The following CAMTA1 variants were observed in gnomAD, a reference collection of about 807,000 sequenced individuals.
CAMTA1 encodes the protein calmodulin-binding transcription activator 1.
Under a neutral mutation model 170.9 loss-of-function variants are expected in CAMTA1, and 27 were observed. The observed-to-expected ratio is 0.16, with a 90% CI of 0.12 to 0.22. The LOEUF is 0.22. Among genes scored for constraint, CAMTA1 ranks in the 10% least tolerant of loss-of-function variants. CAMTA1 has a pLI of 1.00. For missense variants in CAMTA1, 1,619 were observed against 2,217.2 expected, an observed-to-expected ratio of 0.73 and a Z score of 5.42; for synonymous variants, 833 against 891.5, an observed-to-expected ratio of 0.93 and a Z score of 1.17.
intron 3 of CAMTA1, among the ~76,000 whole-genome samples, chr1:7,085,619 G>T (rs1640632831): frequency 6.6e-6 from 1 of 152,260 alleles, no homozygotes; most frequent in African/African-American, 2.4e-5. Context: ...GGGAGGGGCT[G>T]GGCGATGAAC....
intron 5 of CAMTA1, among the ~76,000 whole-genome samples, chr1:7,431,915 G>C (rs557222178): frequency 2.6e-4 from 40 of 152,276 alleles, no homozygotes; most frequent in Admixed American, 2.1e-3. Flanking sequence ...TGCACATGCA[G>C]CATGGGAGCC....
chr1:7,384,389 G>C (rs1005606784), intron 5 of CAMTA1, among the ~76,000 whole-genome samples: 1 of 152,220 alleles, frequency 6.6e-6, no homozygotes, highest in Admixed American at 6.5e-5. Flanking sequence ...TCACCTGGAT[G>C]CTAATCCTGA....
At chr1:7,391,331 G>GTGTA (rs1199333351) in intron 5 of CAMTA1, among the ~76,000 whole-genome samples, 2 of 150,532 alleles carry the variant, frequency 1.3e-5, no homozygotes, top group Non-Finnish European at 3.0e-5. Context: ...TTTACACAGT[G>GTGTA]TGTGTGTGTG....
At chr1:7,710,900 C>T (rs2096565739) in intron 11 of CAMTA1, among the ~76,000 whole-genome samples, 1 of 152,126 alleles carries the variant, frequency 6.6e-6, no homozygotes, top group Non-Finnish European at 1.5e-5. Flanking sequence ...CTCTTATTGG[C>T]CCATCTTGAG....
intron 5 of CAMTA1, among the ~76,000 whole-genome samples, chr1:7,343,769 G>C (rs1574818552): frequency 6.6e-6 from 1 of 152,214 alleles, no homozygotes; most frequent in Admixed American, 6.5e-5. Context: ...GCCTGTTTTT[G>C]AACTGTATAA....
intron 6 of CAMTA1, among the ~76,000 whole-genome samples, chr1:7,556,746 C>T (rs1025259178): frequency 6.6e-6 from 1 of 152,136 alleles, no homozygotes; most frequent in Non-Finnish European, 1.5e-5. Flanking sequence ...CCCTGTGACC[C>T]CTGCCTAAGG....
At chr1:7,143,944 A>G (rs1646032594) in intron 4 of CAMTA1, among the ~76,000 whole-genome samples, 1 of 152,204 alleles carries the variant, frequency 6.6e-6, no homozygotes, top group Non-Finnish European at 1.5e-5. Context: ...GTTGTCATCC[A>G]CAAAGCCACT....
intron 6 of CAMTA1, among the ~76,000 whole-genome samples, chr1:7,469,630 T>A (rs2093290610): frequency 6.6e-6 from 1 of 152,234 alleles, no homozygotes; most frequent in South Asian, 2.1e-4. Flanking sequence ...GAAGCTGGCA[T>A]CCTGCCAGCA....
chr1:7,060,724 G>A (rs1708078875), intron 3 of CAMTA1, among the ~76,000 whole-genome samples: 1 of 152,180 alleles, frequency 6.6e-6, no homozygotes, highest in Non-Finnish European at 1.5e-5. Context: ...ACCTGGAGCA[G>A]CAGACATTCT....
rs1558086620 is a variant in CAMTA1, at chr1:7,664,984, C to A, written c.2437C>A (p.Pro813Thr). Reference sequence around the variant, plus strand: ...ACAGTCAGAGGACGGGGCGCGGGCCCCCTTCACCCAGGCAGAGATGTGCCT... The same window carrying A: ...ACAGTCAGAGGACGGGGCGCGGGCCACCTTCACCCAGGCAGAGATGTGCCT... ...LSQSEDGARA[P>T]FTQAEMCLPC... The change falls in exon 9 of 23, where the codon CCC becomes ACC. Residue 813 changes from proline (P) to threonine (T), a missense_variant. By Grantham distance (38) the Pro-to-Thr change is conservative. Coordinates refer to ENST00000303635, the MANE Select transcript of CAMTA1 (RefSeq NM_015215.4). 1 of 1,609,584 alleles carries A rather than the reference C, an allele frequency of 6.2e-7. No homozygotes were observed. The highest frequency in any genetic ancestry group is 8.5e-7 in the Non-Finnish European group (1 of 1,178,004).
intron 5 of CAMTA1, among the ~76,000 whole-genome samples, chr1:7,428,930 C>T (rs555151306): frequency 1.7e-4 from 26 of 152,326 alleles, no homozygotes; most frequent in Admixed American, 6.5e-4. Flanking sequence ...CTGCTGGCAG[C>T]GATGGCAGAA....
At chr1:7,724,906 A>G (rs2096673738) in intron 11 of CAMTA1, among the ~76,000 whole-genome samples, 1 of 151,978 alleles carries the variant, frequency 6.6e-6, no homozygotes, top group South Asian at 2.1e-4. Flanking sequence ...TCCCCATTTT[A>G]CAGATGAGAA....
At chr1:7,713,254 T>C (rs1252366202) in intron 11 of CAMTA1, among the ~76,000 whole-genome samples, 1 of 152,198 alleles carries the variant, frequency 6.6e-6, no homozygotes. Flanking sequence ...CGTAATTTTA[T>C]TGGAGTCTGT....
intron 5 of CAMTA1, among the ~76,000 whole-genome samples, chr1:7,284,656 G>A (rs535343124): frequency 2.6e-5 from 4 of 152,316 alleles, no homozygotes; most frequent in African/African-American, 7.2e-5. Flanking sequence ...AGCCTCTCCT[G>A]GGCCGTGGGC....
chr1:7,006,315 T>C (rs994639246), intron 3 of CAMTA1, among the ~76,000 whole-genome samples: 1 of 152,144 alleles, frequency 6.6e-6, no homozygotes, highest in African/African-American at 2.4e-5. Context: ...TAATATATGC[T>C]TATTACGGAA....
intron 3 of CAMTA1, among the ~76,000 whole-genome samples, chr1:7,022,142 A>G (rs1263832689): frequency 6.6e-6 from 1 of 152,156 alleles, no homozygotes; most frequent in Non-Finnish European, 1.5e-5. Context: ...TGTGTTGGCA[A>G]TTGTTTAGCA....
intron 6 of CAMTA1, among the ~76,000 whole-genome samples, chr1:7,623,356 G>A (rs2095611898): frequency 6.6e-6 from 1 of 152,208 alleles, no homozygotes; most frequent in African/African-American, 2.4e-5. Context: ...AGAAGAGGCA[G>A]CTGTTCCTCT....
intron 1 of CAMTA1, among the ~76,000 whole-genome samples, chr1:6,799,325 T>C (rs1643358093): frequency 6.6e-6 from 1 of 152,204 alleles, no homozygotes; most frequent in Admixed American, 6.5e-5. Context: ...TGTCTCAGCC[T>C]CCCAAAGTGC....
chr1:7,641,955 C>T lies in CAMTA1; in HGVS notation c.664+1402C>T, dbSNP rs2095764629. 2.6e-5 allele frequency among the ~76,000 whole-genome samples: 4 copies of T among 151,492 alleles called. No homozygotes were observed. Among genetic ancestry groups the T allele is most frequent in the East Asian group, 1.9e-4 (1 of 5,170 alleles). On this transcript the variant is annotated intron_variant, in intron 7 of 22. Coordinates refer to ENST00000303635, the MANE Select transcript of CAMTA1 (RefSeq NM_015215.4). The surrounding 1 kb of genome is among the most constrained non-coding windows in gnomAD (Gnocchi z 4.5). ...GAGCACAGCCTGCAGCCCCCCCACC[C>T]GCAGCCCCCGGCCTCTGCAGGACTC...
Sources: allele counts gnomAD v4.1 joint callset (sites outside exome capture counted in the v4.1 genomes callset), GRCh38; gene constraint gnomAD v4.1.1; non-coding constraint Gnocchi (gnomAD v3.1); transcripts MANE v1.5; gene names NCBI Gene and HGNC (gene_info 2026-07-23, HGNC 2026-07-21).